Variants in MCTP1 observed in about 807,000 individuals in gnomAD.
MCTP1 encodes the protein multiple C2 and transmembrane domain containing 1.
Under a neutral mutation model 120.6 loss-of-function variants are expected in MCTP1, and 69 were observed. The observed-to-expected ratio is 0.57, with a 90% CI of 0.47 to 0.70. The LOEUF is 0.70. MCTP1 is among the 30% of genes least tolerant of loss of function. The pLI, the probability that MCTP1 is intolerant of heterozygous loss-of-function variation, is 0.00. For missense variants in MCTP1, 1,203 were observed against 1,248.8 expected (o/e 0.96, Z 0.55); for synonymous variants, 529 against 493.1 (o/e 1.07, Z -0.96).
chr5:95,244,566 T>C (rs1756539474), intron 1 of MCTP1, among the ~76,000 whole-genome samples: 1 of 152,222 alleles, frequency 6.6e-6, no homozygotes, highest in African/African-American at 2.4e-5. Flanking sequence ...CCCACAGAGC[T>C]TTGCTCACTG....
At chr5:95,265,724 T>C (rs1246682626) in intron 1 of MCTP1, among the ~76,000 whole-genome samples, 1 of 152,232 alleles carries the variant, frequency 6.6e-6, no homozygotes, top group African/African-American at 2.4e-5. Context: ...ATGTCTGTGC[T>C]ACCTGGTAGT....
At chr5:94,890,818 C>A (rs956402763) in intron 11 of MCTP1, among the ~76,000 whole-genome samples, 1 of 152,128 alleles carries the variant, frequency 6.6e-6, no homozygotes, top group African/African-American at 2.4e-5. Flanking sequence ...TGCTAATATG[C>A]ATTTGTTTAT....
intron 1 of MCTP1, among the ~76,000 whole-genome samples, chr5:95,225,605 A>T (rs1754170789): frequency 1.3e-5 from 2 of 152,220 alleles, no homozygotes; most frequent in African/African-American, 4.8e-5. Context: ...TCCCAAGTTC[A>T]AGTGGGAAAG....
intron 5 of MCTP1, among the ~76,000 whole-genome samples, chr5:94,936,111 G>A (rs1395363547): frequency 6.6e-6 from 1 of 151,810 alleles, no homozygotes; most frequent in African/African-American, 2.4e-5. Flanking sequence ...AGAGCAATAA[G>A]GCTTGATTTC....
intron 2 of MCTP1, among the ~76,000 whole-genome samples, chr5:95,012,283 G>C (rs1836155914): frequency 6.6e-6 from 1 of 152,108 alleles, no homozygotes; most frequent in Non-Finnish European, 1.5e-5. Context: ...TGAGAATCAT[G>C]ACTGTCATTG....
At chr5:94,990,103 T>C (rs1201570539) in intron 2 of MCTP1, among the ~76,000 whole-genome samples, 2 of 152,130 alleles carry the variant, frequency 1.3e-5, no homozygotes, top group African/African-American at 4.8e-5. Flanking sequence ...AGCTGGTTGG[T>C]CAAAAGTATG....
At chr5:94,756,309 T>C (rs35788157) in intron 19 of MCTP1, among the ~76,000 whole-genome samples, 9,184 of 152,224 alleles carry the variant, frequency 0.06, 356 homozygotes, top group East Asian at 0.15. Context: ...CCTCAAGAAG[T>C]CTTCAGTGAT....
intron 2 of MCTP1, among the ~76,000 whole-genome samples, chr5:94,993,564 C>T (rs1832028545): frequency 6.6e-6 from 1 of 152,142 alleles, no homozygotes; most frequent in Non-Finnish European, 1.5e-5. Flanking sequence ...CTTTTTCTCT[C>T]TCTCAAGATG....
At chr5:95,263,451 A>C (rs765317065) in intron 1 of MCTP1, among the ~76,000 whole-genome samples, 18 of 152,106 alleles carry the variant, frequency 1.2e-4, no homozygotes, top group Admixed American at 3.9e-4. Context: ...TGTGGCACCC[A>C]TCCAGGCCCA....
At chr5:94,790,929 G>C (rs1359576964) in intron 18 of MCTP1, among the ~76,000 whole-genome samples, 2 of 151,970 alleles carry the variant, frequency 1.3e-5, no homozygotes, top group African/African-American at 4.8e-5. Context: ...TTACCAGAAA[G>C]GGACCCAAAA....
At chr5:95,203,996 C>T (rs1416072783) in intron 1 of MCTP1, among the ~76,000 whole-genome samples, 1 of 152,094 alleles carries the variant, frequency 6.6e-6, no homozygotes, top group African/African-American at 2.4e-5. Context: ...TCCATTTGTA[C>T]TTGGCAAATG....
In MCTP1 at chr5:94,912,984, C is replaced by T. The variant is rs1809137113; in HGVS notation, c.1351-8G>A. On this transcript the variant is annotated splice_polypyrimidine_tract_variant and splice_region_variant and intron_variant, in intron 8 of 22. Transcript: ENST00000515393. ...TAAACTTTGGGTCTGAAACTTTTGG[C>T]AAATGAAAATTGAGTTAGGTTACTG... is the stretch of plus-strand genomic sequence containing the variant. The T allele has an allele frequency of 1.9e-6, 3 of 1,582,996 alleles. No homozygotes were observed. The highest frequency in any genetic ancestry group is 1.4e-5 in the African/African-American group (1 of 72,918).
At chr5:94,837,644 G>C (rs1052728026) in intron 17 of MCTP1, among the ~76,000 whole-genome samples, 1 of 152,198 alleles carries the variant, frequency 6.6e-6, no homozygotes, top group Non-Finnish European at 1.5e-5. Context: ...AGTTGAGCTT[G>C]CTTGCACAAA....
intron 1 of MCTP1, among the ~76,000 whole-genome samples, chr5:95,095,610 G>T (rs1756201646): frequency 6.6e-6 from 1 of 152,206 alleles, no homozygotes; most frequent in Admixed American, 6.5e-5. Flanking sequence ...TTTACGAAAA[G>T]AAGGTGTTCT....
intron 17 of MCTP1, among the ~76,000 whole-genome samples, chr5:94,817,065 T>C (rs1240498965): frequency 2.6e-5 from 4 of 152,160 alleles, no homozygotes; most frequent in Non-Finnish European, 5.9e-5. Flanking sequence ...TGAAAATCTC[T>C]TATCATCTCA....
chr5:95,098,851 A>G (rs932143396), intron 1 of MCTP1, among the ~76,000 whole-genome samples: 6 of 152,102 alleles, frequency 3.9e-5, no homozygotes, highest in Non-Finnish European at 7.4e-5. Context: ...TGGAGGCATC[A>G]CACTACCTGA....
intron 1 of MCTP1, among the ~76,000 whole-genome samples, chr5:95,144,174 T>G (rs1440287599): frequency 6.6e-6 from 1 of 152,188 alleles, no homozygotes; most frequent in East Asian, 1.9e-4. Context: ...GTTAAGCACT[T>G]TTTCATATAT....
rs563401498 is a variant in MCTP1, at chr5:95,231,364, A to T, written c.720+52492T>A. Among the ~76,000 whole-genome samples the T allele has an allele frequency of 1.3e-3, 192 of 152,310 alleles. 1 individual carries two copies. The highest frequency in any genetic ancestry group is 4.2e-3 in the African/African-American group (173 of 41,574). Reference sequence around the variant, plus strand: ...TATATATATATATACACATATATAGACTTTTGCTTCTCAACAAACTGGGGT... The same window carrying T: ...TATATATATATATACACATATATAGTCTTTTGCTTCTCAACAAACTGGGGT... On this transcript the variant is annotated intron_variant, in intron 1 of 22. Transcript: ENST00000515393.
intron 1 of MCTP1, among the ~76,000 whole-genome samples, chr5:95,244,832 C>G (rs1756570545): frequency 6.6e-6 from 1 of 152,166 alleles, no homozygotes; most frequent in Non-Finnish European, 1.5e-5. Context: ...CTGAAGAGAG[C>G]AGAGGTTCTC....
Sources: allele counts gnomAD v4.1 joint callset (sites outside exome capture counted in the v4.1 genomes callset), GRCh38; gene constraint gnomAD v4.1.1; transcripts MANE v1.5; gene names NCBI Gene and HGNC (gene_info 2026-07-23, HGNC 2026-07-21).